BTG4: variants seen among roughly 807,000 people sequenced by gnomAD.
The protein encoded by BTG4 is protein BTG4.
BTG4 carries 10 observed loss-of-function variants against 19.3 expected under a neutral mutation model. That is an observed-to-expected ratio of 0.52 (90% CI 0.32 to 0.88). The LOEUF is 0.88. Among genes scored for constraint, BTG4 ranks in the 40% least tolerant of loss-of-function variants. The probability of loss-of-function intolerance (pLI) is 0.04; values close to 1 mark genes in which losing one functional copy is unlikely to be tolerated. For missense variants in BTG4, 238 were observed against 281.9 expected (o/e 0.84, Z 1.11); for synonymous variants, 91 against 95.7 (o/e 0.95, Z 0.29).
chr11:111,396,277 C>T, the BTG4 span, among the ~76,000 whole-genome samples: 1 of 152,282 alleles, frequency 6.6e-6, no homozygotes, highest in African/African-American at 2.4e-5. Context: ...CACTAGGTAA[C>T]GTTCTGAAAA....
At chr11:111,414,796 A>T in the BTG4 span, 1 of 152,194 alleles carries the variant, frequency 6.6e-6, no homozygotes, top group African/African-American at 2.4e-5. Context: ...TTCTCCCAAG[A>T]TCCCCAGGCA....
chr11:111,425,703 C>T, the BTG4 span, among the ~76,000 whole-genome samples: 3 of 152,114 alleles, frequency 2.0e-5, no homozygotes, highest in Non-Finnish European at 4.4e-5. Context: ...AGACTACACT[C>T]AATCTGGGAA....
At chr11:111,421,641 G>A in the BTG4 span, among the ~76,000 whole-genome samples, 2 of 152,204 alleles carry the variant, frequency 1.3e-5, no homozygotes, top group Non-Finnish European at 2.9e-5. Flanking sequence ...GCGGCTGGGC[G>A]TGGTGGCTCA....
chr11:111,389,860 A>G, the BTG4 span, among the ~76,000 whole-genome samples: 5 of 152,210 alleles, frequency 3.3e-5, no homozygotes, highest in Non-Finnish European at 1.5e-5. Context: ...AAGTGGAGGG[A>G]GGCAGAAGGA....
rs111360052 is a variant in BTG4 at position 111,489,005 on chromosome 11, C to T, written c.662+6158G>A. 1.9e-3 allele frequency among the ~76,000 whole-genome samples: 283 copies of T among 150,432 alleles called. 3 individuals carry two copies. Among genetic ancestry groups the T allele is most frequent in the African/African-American group, 5.7e-3 (234 of 40,962 alleles). The stretch of plus-strand genomic sequence containing the variant: ...TACTAAAAATACAAAATTAGCCAGG[C>T]ATGGTGGTGCATGCCTGTAATTCCA... On this transcript the variant is annotated intron_variant, in intron 5 of 5. Coordinates refer to the BTG4 transcript ENST00000356018.
chr11:111,455,274 C>T, the BTG4 span: 1 of 347,204 alleles, frequency 2.9e-6, no homozygotes, highest in Non-Finnish European at 5.8e-6. Context: ...TGCTGCCATG[C>T]CTGTCCAGAA....
chr11:111,406,270 G>C, the BTG4 span, among the ~76,000 whole-genome samples: 1 of 152,242 alleles, frequency 6.6e-6, no homozygotes, highest in African/African-American at 2.4e-5. Flanking sequence ...ACACGCCACT[G>C]TGCTGGCTAC....
At chr11:111,447,077 G>A in the BTG4 span, among the ~76,000 whole-genome samples, 1 of 152,252 alleles carries the variant, frequency 6.6e-6, no homozygotes, top group African/African-American at 2.4e-5. Flanking sequence ...CTGTGCCCCG[G>A]GAACTTTCCT....
At chr11:111,441,079 G>A in the BTG4 span, among the ~76,000 whole-genome samples, 1 of 151,578 alleles carries the variant, frequency 6.6e-6, no homozygotes, top group Non-Finnish European at 1.5e-5. Flanking sequence ...GAGGGCACAA[G>A]GTCACACAGG....
At chr11:111,437,096 C>T in the BTG4 span, among the ~76,000 whole-genome samples, 4 of 152,200 alleles carry the variant, frequency 2.6e-5, no homozygotes, top group East Asian at 3.9e-4. Context: ...TGGAACTCTT[C>T]CTGCCTGGCT....
At chr11:111,465,960 T>G (rs979927289), downstream of BTG4, among the ~76,000 whole-genome samples, 3 of 152,298 alleles carry the variant, frequency 2.0e-5, no homozygotes, top group Middle Eastern at 3.4e-3. Context: ...CCTCCTTTCT[T>G]TGGGTGAAAC....
At chr11:111,493,261 T>A (rs893433773), downstream of BTG4, among the ~76,000 whole-genome samples, 10 of 152,322 alleles carry the variant, frequency 6.6e-5, no homozygotes, top group South Asian at 2.1e-3. Flanking sequence ...TTGAATAATT[T>A]CCTGATTGAA....
chr11:111,465,214 C>T (rs1261168851), downstream of BTG4, among the ~76,000 whole-genome samples: 3 of 152,114 alleles, frequency 2.0e-5, no homozygotes, highest in Non-Finnish European at 2.9e-5. Context: ...ACAGAAAATG[C>T]ATGTGTGCCT....
At chr11:111,451,806 T>A in the BTG4 span, among the ~76,000 whole-genome samples, 1 of 152,040 alleles carries the variant, frequency 6.6e-6, no homozygotes, top group Admixed American at 6.5e-5. Flanking sequence ...CTCAGACAGA[T>A]CTGCAGGGAA....
chr11:111,484,652 C>T (rs1036245798), intron 5 of BTG4, among the ~76,000 whole-genome samples: 7 of 151,772 alleles, frequency 4.6e-5, no homozygotes, highest in African/African-American at 1.7e-4. Context: ...GAGATACACA[C>T]ACAAAAAAAA....
chr11:111,510,231 C>T (rs1866786313), intron 1 of BTG4, among the ~76,000 whole-genome samples: 1 of 152,050 alleles, frequency 6.6e-6, no homozygotes, highest in African/African-American at 2.4e-5. Flanking sequence ...TTTCTAATTC[C>T]CAATTCCCAT....
the BTG4 span, among the ~76,000 whole-genome samples, chr11:111,397,241 T>C: frequency 7.2e-5 from 11 of 152,174 alleles, no homozygotes; most frequent in Non-Finnish European, 1.5e-4. Flanking sequence ...AAATCTCTCA[T>C]CTTCTTCCAT....
intron 3 of BTG4, 43 bp downstream of exon 3, chr11:111,497,955 G>C: frequency 6.3e-7 from 1 of 1,592,422 alleles, no homozygotes; most frequent in South Asian, 1.1e-5. Context: ...CTAACTTAAG[G>C]TTTCCAGGTA....
At chr11:111,411,326 C>T in the BTG4 span, among the ~76,000 whole-genome samples, 3 of 152,156 alleles carry the variant, frequency 2.0e-5, no homozygotes, top group African/African-American at 2.4e-5. Context: ...ACCCCCTTGC[C>T]GCTCCTTGAA....
Sources: allele counts gnomAD v4.1 joint callset (sites outside exome capture counted in the v4.1 genomes callset), GRCh38; gene constraint gnomAD v4.1.1; transcripts MANE v1.5; gene names NCBI Gene and HGNC (gene_info 2026-07-23, HGNC 2026-07-21).